CNTNAP2: variants seen among roughly 807,000 people sequenced by gnomAD.
CNTNAP2 encodes contactin-associated protein-like 2.
In CNTNAP2, 98 loss-of-function variants were observed where a neutral mutation model predicts 155.2. The ratio of observed to expected loss-of-function variants is 0.63; its 90% CI spans 0.54 to 0.75. CNTNAP2 has a LOEUF of 0.75. CNTNAP2 is among the 30% of genes least tolerant of loss of function. The pLI is 0.00. For missense variants in CNTNAP2, 1,727 were observed against 1,688.1 expected (o/e 1.02, Z -0.40); for synonymous variants, 651 against 631.2 (o/e 1.03, Z -0.47).
chr7:146,939,135 T>C (rs946343549), intron 3 of CNTNAP2, among the ~76,000 whole-genome samples: 2 of 152,124 alleles, frequency 1.3e-5, no homozygotes, highest in African/African-American at 4.8e-5. Context: ...AAGAAACACA[T>C]GATCAACTGT....
At chr7:147,249,992 TTTGA>T (rs1276517191) in intron 8 of CNTNAP2, among the ~76,000 whole-genome samples, 1 of 152,172 alleles carries the variant, frequency 6.6e-6, no homozygotes, top group Non-Finnish European at 1.5e-5. Context: ...TAACTGACTA[TTTGA>T]TTGAAACTGA....
chr7:146,894,367 A>G (rs1795836104), intron 3 of CNTNAP2, among the ~76,000 whole-genome samples: 1 of 152,154 alleles, frequency 6.6e-6, no homozygotes, highest in African/African-American at 2.4e-5. Context: ...ATATTTCCAA[A>G]TTAATCTTTT....
intron 13 of CNTNAP2, among the ~76,000 whole-genome samples, chr7:147,756,833 A>G (rs573676927): frequency 5.9e-5 from 9 of 152,330 alleles, no homozygotes; most frequent in African/African-American, 1.9e-4. Flanking sequence ...ACCCTTCATC[A>G]GAATAGGATT....
chr7:146,695,798 G>A (rs749528765), intron 1 of CNTNAP2, among the ~76,000 whole-genome samples: 1 of 152,076 alleles, frequency 6.6e-6, no homozygotes, highest in Middle Eastern at 3.2e-3. Context: ...TGCATATTTT[G>A]TTGAATGGCT....
chr7:147,856,944 G>C (rs569958849), intron 13 of CNTNAP2, among the ~76,000 whole-genome samples: 14 of 152,220 alleles, frequency 9.2e-5, no homozygotes, highest in Admixed American at 9.2e-4. Flanking sequence ...CATTTTTCAG[G>C]GTTCCCCAGG....
intron 12 of CNTNAP2, among the ~76,000 whole-genome samples, chr7:147,595,063 T>C (rs1273528933): frequency 6.6e-6 from 1 of 152,152 alleles, no homozygotes; most frequent in Non-Finnish European, 1.5e-5. Flanking sequence ...CCTCACTTTC[T>C]GCTTGGTGCC....
intron 1 of CNTNAP2, among the ~76,000 whole-genome samples, chr7:146,445,516 A>G (rs1796390108): frequency 6.6e-6 from 1 of 152,206 alleles, no homozygotes; most frequent in Admixed American, 6.5e-5. Context: ...AGACTTAAGT[A>G]CAGGATGGAG....
At position 148,415,588 on chromosome 7, in the gene CNTNAP2, A is replaced by C. The variant is rs142434274; in HGVS notation, c.3968A>C (p.Asp1323Ala). The C allele has an allele frequency of 1.5e-4, 240 of 1,614,092 alleles. 2 individuals carry two copies. Among genetic ancestry groups the C allele is most frequent in the Non-Finnish European group, 1.9e-5 (23 of 1,180,040 alleles). The change falls in exon 24 of 24, where the codon GAT becomes GCT. Residue 1323 changes from aspartate (D) to alanine (A), a missense_variant. Asp to Ala is a moderately radical substitution (Grantham distance 126). Transcript: ENST00000361727. ...GACCCCAACTTCACAGAGACCATTG[A>C]TGAAAGCAAAAAGGAATGGCTCATT... ...NNDPNFTETI[D>A]ESKKEWLI is the part of the protein sequence containing the mutation.
At chr7:147,313,920 G>A (rs1157831779) in intron 9 of CNTNAP2, among the ~76,000 whole-genome samples, 1 of 150,522 alleles carries the variant, frequency 6.6e-6, no homozygotes, top group African/African-American at 2.5e-5. Context: ...CCATTTGTTT[G>A]TATCCTCTTT....
intron 15 of CNTNAP2, among the ~76,000 whole-genome samples, chr7:148,031,405 A>G (rs1315224681): frequency 2.0e-5 from 3 of 152,248 alleles, no homozygotes; most frequent in Admixed American, 1.3e-4. Context: ...TCCTTGGTCA[A>G]CAGTAAGCTT....
At chr7:148,344,863 G>A (rs13438295) in intron 21 of CNTNAP2, among the ~76,000 whole-genome samples, 34,861 of 152,088 alleles carry the variant, frequency 0.23, 4,210 homozygotes, top group South Asian at 0.32. Context: ...TTAAATATAA[G>A]CTCATGCATT....
intron 15 of CNTNAP2, among the ~76,000 whole-genome samples, chr7:148,111,239 G>A (rs1804343547): frequency 6.6e-6 from 1 of 152,160 alleles, no homozygotes; most frequent in African/African-American, 2.4e-5. Flanking sequence ...TCCAGGGTAG[G>A]GGTGGGTGGC....
intron 1 of CNTNAP2, among the ~76,000 whole-genome samples, chr7:146,153,084 A>G (rs189477864): frequency 1.3e-5 from 2 of 152,288 alleles, no homozygotes; most frequent in African/African-American, 4.8e-5. Context: ...CAAGGTGTAT[A>G]TCATTCCTAT....
chr7:147,398,791 A>T (rs1433897674), intron 10 of CNTNAP2, among the ~76,000 whole-genome samples: 1 of 149,268 alleles, frequency 6.7e-6, no homozygotes, highest in Non-Finnish European at 1.5e-5. Flanking sequence ...TGAACAGGAC[A>T]GATAAAGATT....
chr7:147,115,139 C>A (rs1274292541), intron 5 of CNTNAP2, among the ~76,000 whole-genome samples: 10 of 152,144 alleles, frequency 6.6e-5, no homozygotes, highest in Non-Finnish European at 1.5e-4. Flanking sequence ...TTATTGGCCC[C>A]CAATCTCTTC....
intron 1 of CNTNAP2, among the ~76,000 whole-genome samples, chr7:146,519,624 G>C (rs1295937684): frequency 6.6e-6 from 1 of 151,812 alleles, no homozygotes; most frequent in Non-Finnish European, 1.5e-5. Flanking sequence ...GTTGCAGATT[G>C]TCTGATGTTG....
chr7:146,169,319 A>G (rs1254223874), intron 1 of CNTNAP2, among the ~76,000 whole-genome samples: 1 of 152,156 alleles, frequency 6.6e-6, no homozygotes, highest in Non-Finnish European at 1.5e-5. Flanking sequence ...CTAAAGTAGT[A>G]CCTGACATAT....
chr7:148,303,623 A>G (rs905106113), intron 21 of CNTNAP2, among the ~76,000 whole-genome samples: 4 of 152,260 alleles, frequency 2.6e-5, no homozygotes, highest in African/African-American at 9.6e-5. Context: ...CAGAATAGAA[A>G]TATTTACCAT....
intron 13 of CNTNAP2, among the ~76,000 whole-genome samples, chr7:147,674,760 T>A (rs1476248883): frequency 6.6e-6 from 1 of 152,126 alleles, no homozygotes; most frequent in East Asian, 1.9e-4. Flanking sequence ...GTTGTTACAT[T>A]TTTTTCCTTA....
Sources: allele counts gnomAD v4.1 joint callset (sites outside exome capture counted in the v4.1 genomes callset), GRCh38; gene constraint gnomAD v4.1.1; transcripts MANE v1.5; gene names NCBI Gene and HGNC (gene_info 2026-07-23, HGNC 2026-07-21).